TNIK: variants seen among roughly 807,000 people sequenced by gnomAD.
The protein encoded by TNIK is TRAF2 and NCK-interacting protein kinase.
In TNIK, 49 loss-of-function variants were observed where a neutral mutation model predicts 191.3. The ratio of observed to expected loss-of-function variants is 0.26; its 90% CI spans 0.20 to 0.32. The LOEUF (loss-of-function observed/expected upper bound fraction) is 0.32. TNIK is among the 10% of genes least tolerant of loss of function. The probability of loss-of-function intolerance (pLI) is 1.00; values close to 1 mark genes in which losing one functional copy is unlikely to be tolerated. For synonymous variants in TNIK, 594 were observed against 600.9 expected, an observed-to-expected ratio of 0.99 and a Z score of 0.17; for missense variants, 1,155 against 1,702.3, an observed-to-expected ratio of 0.68 and a Z score of 5.66.
chr3:171,127,293 G>A (rs1233288022), intron 16 of TNIK, among the ~76,000 whole-genome samples: 1 of 152,078 alleles, frequency 6.6e-6, no homozygotes, highest in Non-Finnish European at 1.5e-5. Flanking sequence ...TTAGCTGAAT[G>A]TTAAGCTTCA....
At chr3:171,249,410 T>G (rs1193017650) in intron 2 of TNIK, among the ~76,000 whole-genome samples, 1 of 152,206 alleles carries the variant, frequency 6.6e-6, no homozygotes, top group Non-Finnish European at 1.5e-5. Flanking sequence ...TAAGAATCAC[T>G]CAGGCTCTCC....
intron 20 of TNIK, 121 bp downstream of exon 20, chr3:171,107,944 C>CTA: frequency 3.2e-6 from 3 of 923,188 alleles, no homozygotes; most frequent in Non-Finnish European, 3.2e-6. Context: ...ATGTTTCTAG[C>CTA]ATCCGTTCTT....
intron 2 of TNIK, among the ~76,000 whole-genome samples, chr3:171,339,975 T>A (rs751740193): frequency 6.6e-6 from 1 of 152,128 alleles, no homozygotes; most frequent in African/African-American, 2.4e-5. Context: ...ACACAAATTA[T>A]GAAAAATTCA....
chr3:171,309,136 A>G (rs911797135), intron 2 of TNIK, among the ~76,000 whole-genome samples: 5 of 152,188 alleles, frequency 3.3e-5, no homozygotes, highest in Admixed American at 3.3e-4. Context: ...AGTAACAGAA[A>G]CATGGAATCA....
At chr3:171,108,199 C>T (rs1278736667) in intron 19 of TNIK, 37 bp from the exon 20 acceptor site, 2 of 1,479,620 alleles carry the variant, frequency 1.4e-6, no homozygotes, top group African/African-American at 1.4e-5. Context: ...AAAGAGATGG[C>T]CATCAAAAAG....
chr3:171,156,760 T>C (rs1278707750), intron 12 of TNIK, among the ~76,000 whole-genome samples: 2 of 152,246 alleles, frequency 1.3e-5, no homozygotes, highest in Admixed American at 1.3e-4. Context: ...AGGCAGGTCT[T>C]GCCCACAGGC....
chr3:171,208,930 G>A (rs1396184029), intron 4 of TNIK, among the ~76,000 whole-genome samples: 2 of 152,124 alleles, frequency 1.3e-5, no homozygotes, highest in African/African-American at 4.8e-5. Context: ...TGTCTGCAAT[G>A]TCCCGTAAGT....
chr3:171,341,212 C>T (rs1328196596), intron 2 of TNIK, among the ~76,000 whole-genome samples: 2 of 152,020 alleles, frequency 1.3e-5, no homozygotes, highest in East Asian at 3.9e-4. Flanking sequence ...GTGACTCATG[C>T]CTATAATCCC....
chr3:171,140,237 G>C (rs944642073), intron 13 of TNIK, among the ~76,000 whole-genome samples, 162 bp downstream of exon 13: 2 of 152,228 alleles, frequency 1.3e-5, no homozygotes, highest in South Asian at 4.1e-4. Flanking sequence ...CATTGCCAAG[G>C]TTGTACATTT....
chr3:171,334,660 C>G (rs1396238440), intron 2 of TNIK, among the ~76,000 whole-genome samples: 1 of 152,086 alleles, frequency 6.6e-6, no homozygotes, highest in Admixed American at 6.6e-5. Context: ...CCAAAAAAGA[C>G]TAGAGGGGGA....
At chr3:171,271,961 C>T (rs546688927) in intron 2 of TNIK, among the ~76,000 whole-genome samples, 1 of 152,310 alleles carries the variant, frequency 6.6e-6, no homozygotes, top group South Asian at 2.1e-4. Flanking sequence ...CTTTCCTTGA[C>T]ACAACAGGCA....
intron 2 of TNIK, among the ~76,000 whole-genome samples, chr3:171,234,746 T>C (rs141160294): frequency 8.2e-4 from 125 of 152,328 alleles, no homozygotes; most frequent in Non-Finnish European, 1.3e-3. Flanking sequence ...CAATAGTTAA[T>C]GTATGCAGAT....
chr3:171,227,935 A>G (rs1033234442), intron 3 of TNIK, among the ~76,000 whole-genome samples: 38 of 152,210 alleles, frequency 2.5e-4, no homozygotes, highest in African/African-American at 8.2e-4. Context: ...ATTTTATTAT[A>G]AAATAGGCTT....
chr3:171,128,472 A>T (rs1022706209), intron 16 of TNIK, among the ~76,000 whole-genome samples: 3 of 152,172 alleles, frequency 2.0e-5, no homozygotes, highest in African/African-American at 7.2e-5. Context: ...GTCCCCAGAG[A>T]GGCCAATTTA....
chr3:171,236,034 A>C (rs1390277620), intron 2 of TNIK, among the ~76,000 whole-genome samples: 1 of 152,136 alleles, frequency 6.6e-6, no homozygotes, highest in Non-Finnish European at 1.5e-5. Flanking sequence ...GCAGTCCTCC[A>C]GGCACATGGC....
At chr3:171,195,684 T>C (rs1012320599) in intron 4 of TNIK, among the ~76,000 whole-genome samples, 1 of 152,174 alleles carries the variant, frequency 6.6e-6, no homozygotes, top group Non-Finnish European at 1.5e-5. Flanking sequence ...CTCATGAAAC[T>C]CATTTCATGA....
chr3:171,212,652 A>T (rs1199843486), intron 3 of TNIK, among the ~76,000 whole-genome samples: 1 of 152,210 alleles, frequency 6.6e-6, no homozygotes, highest in Non-Finnish European at 1.5e-5. Flanking sequence ...TCTCCTTATC[A>T]GTCGGTAAGA....
intron 4 of TNIK, among the ~76,000 whole-genome samples, chr3:171,210,396 G>C (rs1740650539): frequency 6.6e-6 from 1 of 152,210 alleles, no homozygotes; most frequent in Non-Finnish European, 1.5e-5. Context: ...GCTCCGCACA[G>C]CAGCAACAGG....
intron 1 of TNIK, among the ~76,000 whole-genome samples, chr3:171,453,112 G>A (rs187757344): frequency 6.6e-6 from 1 of 152,090 alleles, no homozygotes; most frequent in African/African-American, 2.4e-5. Flanking sequence ...CCTTCTAAAA[G>A]GGTTGCACAG....
Sources: allele counts gnomAD v4.1 joint callset (sites outside exome capture counted in the v4.1 genomes callset), GRCh38; gene constraint gnomAD v4.1.1; transcripts MANE v1.5; gene names NCBI Gene and HGNC (gene_info 2026-07-23, HGNC 2026-07-21).